Variants in DMD observed in about 807,000 individuals in gnomAD.
DMD encodes the protein dystrophin, also known as mutant dystrophin.
DMD carries 63 observed loss-of-function variants against 330.1 expected under a neutral mutation model. The ratio of observed to expected loss-of-function variants is 0.19; its 90% confidence interval spans 0.16 to 0.24. DMD has a LOEUF of 0.24. DMD is among the 10% of genes least tolerant of loss of function. The pLI is 1.00. For missense variants in DMD, 3,344 were observed against 2,684.1 expected, an observed-to-expected ratio of 1.25 and a Z score of -5.43; for synonymous variants, 1,223 against 959.8, an observed-to-expected ratio of 1.27 and a Z score of -5.07.
Position 32,823,312 on chromosome X carries a change from T to C in DMD, c.340A>G (p.Ile114Val). The change falls in exon 5 of 79, where the codon ATA (isoleucine) becomes GTA (valine). Residue 114 changes from isoleucine (I) to valine (V), a missense_variant. Physicochemically the swap from Ile to Val is conservative, Grantham distance 29. Coordinates refer to ENST00000357033, the MANE Select transcript of DMD (RefSeq NM_004006.3). ...HKLTLGLIWN[I>V]ILHWQVKNVM... Reference sequence around the variant, plus strand: ...ATTCTTACCTGCCAGTGGAGGATTATATTCCAAATCAAACCAAGAGTCAGT... The same window carrying C: ...ATTCTTACCTGCCAGTGGAGGATTACATTCCAAATCAAACCAAGAGTCAGT... 2 of 1,206,884 alleles carry C rather than the reference T, an allele frequency of 1.7e-6. No individual in the cohort carries two copies. Among genetic ancestry groups the C allele is most frequent in the African/African-American group, 1.7e-5 (1 of 57,742 alleles).
chrX:31,541,378 G>A (rs773095314), intron 55 of DMD, among the ~76,000 whole-genome samples: 1 of 109,210 alleles, frequency 9.2e-6, no homozygotes, highest in East Asian at 2.9e-4. Flanking sequence ...TAGGGCACAT[G>A]TGCACAACGT....
At chrX:32,889,552 G>A (rs1416992350) in intron 2 of DMD, among the ~76,000 whole-genome samples, 1 of 110,697 alleles carries the variant, frequency 9.0e-6, no homozygotes, top group African/African-American at 3.3e-5. Context: ...ATCCACAAAA[G>A]AGTGAAAATA....
intron 44 of DMD, among the ~76,000 whole-genome samples, chrX:32,065,718 G>T (rs1273148628): frequency 9.0e-6 from 1 of 111,717 alleles, no homozygotes; most frequent in East Asian, 2.8e-4. Flanking sequence ...AGCAACACGG[G>T]TGTTTTGAAA....
At position 32,485,054 on chromosome X, in the gene DMD, A is replaced by T. The variant is rs1346550111; in HGVS notation, c.2668T>A (p.Leu890Ile). 7.4e-6 allele frequency: 9 copies of T among 1,211,415 alleles called. No individual in the cohort carries two copies. The highest frequency in any genetic ancestry group is 8.9e-6 in the Non-Finnish European group (8 of 895,274). ...LSDLQPQIER[L>I]KIQSIALKEK... ...TTCAGGGCTATGCTTTGAATTTTTA[A>T]TCGTTCAATTTGAGGTTGAAGATCT... Residue 890 changes from leucine to isoleucine, a missense_variant, in exon 21 of 79, where the codon TTA becomes ATA. Leu to Ile is a conservative substitution (Grantham distance 5). Coordinates refer to ENST00000357033, the MANE Select transcript of DMD (RefSeq NM_004006.3).
At chrX:33,240,450 T>C (rs908754305) in intron 1 of DMD, among the ~76,000 whole-genome samples, 1 of 111,931 alleles carries the variant, frequency 8.9e-6, no homozygotes, top group Non-Finnish European at 1.9e-5. Context: ...ATTTTTTCTT[T>C]TATTCATTCA....
rs193075919 is a variant in DMD at position 31,277,387 on chromosome X, T to C, written c.9225-16371A>G. On this transcript the variant is annotated intron_variant, in intron 62 of 78. Transcript: ENST00000357033. Reference sequence around the variant, plus strand: ...GTTTTAAAAGGTGGGTATAATTTGGTTGTGGCCTTTGTAGATGTCAAAGCA... The same window carrying C: ...GTTTTAAAAGGTGGGTATAATTTGGCTGTGGCCTTTGTAGATGTCAAAGCA... Among the ~76,000 whole-genome samples, 571 of 111,908 alleles carry C rather than the reference T, an allele frequency of 5.1e-3. 1 individual carries two copies. Among genetic ancestry groups the C allele is most frequent in the African/African-American group, 6.0e-3 (186 of 30,829 alleles).
At chrX:32,564,918 G>A (rs2051504999) in intron 16 of DMD, among the ~76,000 whole-genome samples, 1 of 111,700 alleles carries the variant, frequency 9.0e-6, no homozygotes, top group Admixed American at 9.6e-5. Flanking sequence ...TGAATTTTGA[G>A]TAAAGTTATT....
intron 7 of DMD, among the ~76,000 whole-genome samples, chrX:32,738,811 G>A (rs766686403): frequency 9.0e-6 from 1 of 111,497 alleles, no homozygotes. Context: ...ATCATACTAG[G>A]AAGCTGTCCC....
At chrX:31,800,074 C>A (rs79305386) in intron 50 of DMD, among the ~76,000 whole-genome samples, 1 of 112,524 alleles carries the variant, frequency 8.9e-6, no homozygotes, top group Non-Finnish European at 1.9e-5. Flanking sequence ...TTTCTAGATG[C>A]ATGGTTCAAA....
intron 7 of DMD, among the ~76,000 whole-genome samples, chrX:32,780,308 T>C (rs1357685159): frequency 1.8e-5 from 2 of 112,339 alleles, no homozygotes; most frequent in Non-Finnish European, 3.8e-5. Flanking sequence ...CCGACAGAAC[T>C]ATTTAGTTCA....
intron 13 of DMD, among the ~76,000 whole-genome samples, chrX:32,584,278 C>T (rs986697359): frequency 1.8e-5 from 2 of 111,456 alleles, no homozygotes; most frequent in African/African-American, 3.3e-5. Flanking sequence ...GTTTAACAAA[C>T]AAGTATTCAA....
intron 60 of DMD, among the ~76,000 whole-genome samples, chrX:31,416,367 A>G (rs1370065225): frequency 1.8e-5 from 2 of 112,436 alleles, no homozygotes. Flanking sequence ...ATCAAGATAC[A>G]TGGATTAACT....
intron 7 of DMD, among the ~76,000 whole-genome samples, chrX:32,769,314 T>TC (rs1410029735): frequency 9.0e-6 from 1 of 110,859 alleles, no homozygotes; most frequent in Non-Finnish European, 1.9e-5. Context: ...GCAAGGAGTC[T>TC]CCCCCTTATG....
At chrX:33,048,542 A>C (rs1232297937) in intron 1 of DMD, among the ~76,000 whole-genome samples, 2 of 108,125 alleles carry the variant, frequency 1.8e-5, no homozygotes, top group Non-Finnish European at 3.8e-5. Flanking sequence ...ATACAAGAAA[A>C]ATTAGCTGGG....
intron 1 of DMD, among the ~76,000 whole-genome samples, chrX:33,239,888 A>G (rs2148889201): frequency 8.9e-6 from 1 of 111,918 alleles, no homozygotes; most frequent in African/African-American, 3.2e-5. Flanking sequence ...AATTGGACAT[A>G]TAAGTATTTA....
intron 51 of DMD, among the ~76,000 whole-genome samples, chrX:31,760,942 A>ATT (rs35766737): frequency 0.049 from 3,972 of 80,813 alleles, 169 homozygotes; most frequent in Non-Finnish European, 0.069. Context: ...CCTAGTTAGT[A>ATT]TTTTTTTTTT....
chrX:31,877,890 C>A (rs779927155), intron 47 of DMD, among the ~76,000 whole-genome samples: 28 of 111,941 alleles, frequency 2.5e-4, no homozygotes, highest in Non-Finnish European at 4.7e-4. Flanking sequence ...CTTCAACTAA[C>A]AACATCTAAA....
chrX:32,799,326 C>T (rs142674621), intron 7 of DMD, among the ~76,000 whole-genome samples: 175 of 111,425 alleles, frequency 1.6e-3, no homozygotes, highest in African/African-American at 5.3e-3. Flanking sequence ...AAATTTCTCT[C>T]GAGTCCTAGT....
chrX:32,360,070 T>G (rs2147197520), intron 37 of DMD, among the ~76,000 whole-genome samples: 1 of 111,557 alleles, frequency 9.0e-6, no homozygotes, highest in East Asian at 2.8e-4. Flanking sequence ...CTAAATCCAC[T>G]GTTTTCTCTG....
Sources: allele counts gnomAD v4.1 joint callset (sites outside exome capture counted in the v4.1 genomes callset), GRCh38; gene constraint gnomAD v4.1.1; transcripts MANE v1.5; gene names NCBI Gene and HGNC (gene_info 2026-07-23, HGNC 2026-07-21).